Variants in SMCO2 observed in about 807,000 individuals in gnomAD.
The protein encoded by SMCO2 is single-pass membrane protein with coiled-coil domains 2.
Under a neutral mutation model 29.5 loss-of-function variants are expected in SMCO2, and 25 were observed. The observed-to-expected ratio is 0.85, with a 90% CI of 0.62 to 1.18. SMCO2 has a LOEUF of 1.18. Among genes scored for constraint, SMCO2 ranks in the 50% most tolerant of loss-of-function variants. SMCO2 has a pLI of 0.00. For synonymous variants in SMCO2, 117 were observed against 123.3 expected, an observed-to-expected ratio of 0.95 and a Z score of 0.34; for missense variants, 348 against 344.5, an observed-to-expected ratio of 1.01 and a Z score of -0.08.
At chr12:27,442,397 G>C in the SMCO2 span, among the ~76,000 whole-genome samples, 1 of 152,070 alleles carries the variant, frequency 6.6e-6, no homozygotes, top group South Asian at 2.1e-4. Flanking sequence ...GAAATACAAA[G>C]AATCATTAGA....
chr12:27,472,726 C>T (rs1949551393), intron 2 of SMCO2, 50 bp from the exon 3 acceptor site: 1 of 1,425,582 alleles, frequency 7.0e-7, no homozygotes, highest in Non-Finnish European at 9.6e-7. Context: ...GGCCCAAGCT[C>T]TGGCCCAAAG....
the SMCO2 span, among the ~76,000 whole-genome samples, chr12:27,459,015 G>A: frequency 2.6e-5 from 4 of 151,130 alleles, no homozygotes; most frequent in South Asian, 6.3e-4. Flanking sequence ...GTGAAACCCC[G>A]TCTCTACTAA....
chr12:27,482,020 T>A (rs537817564), intron 4 of SMCO2, among the ~76,000 whole-genome samples: 39 of 152,038 alleles, frequency 2.6e-4, no homozygotes, highest in South Asian at 2.1e-3. Context: ...TTTTTTTTTT[T>A]AATTATGTCC....
the SMCO2 span, among the ~76,000 whole-genome samples, chr12:27,450,158 G>A: frequency 6.6e-6 from 1 of 152,214 alleles, no homozygotes; most frequent in Non-Finnish European, 1.5e-5. Context: ...GCCTCTGGCT[G>A]CCTGTCCTGT....
At chr12:27,439,277 TC>T in the SMCO2 span, among the ~76,000 whole-genome samples, 1 of 152,170 alleles carries the variant, frequency 6.6e-6, no homozygotes, top group African/African-American at 2.4e-5. Context: ...TAGCCAGCAT[TC>T]CCACACTGCT....
the SMCO2 span, among the ~76,000 whole-genome samples, chr12:27,443,974 C>A: frequency 6.6e-6 from 1 of 152,084 alleles, no homozygotes; most frequent in South Asian, 2.1e-4. Context: ...GAAAACAATC[C>A]TAAAATTTAT....
the SMCO2 span, among the ~76,000 whole-genome samples, chr12:27,430,594 A>G: frequency 1.3e-5 from 2 of 152,324 alleles, no homozygotes; most frequent in Admixed American, 6.5e-5. Context: ...TAATTCCAAC[A>G]TGTTTATTCT....
intron 4 of SMCO2, among the ~76,000 whole-genome samples, chr12:27,483,857 A>T (rs2135560916): frequency 6.6e-6 from 1 of 152,264 alleles, no homozygotes; most frequent in East Asian, 1.9e-4. Flanking sequence ...CGGCCTTTGC[A>T]CTACTGTTGG....
At chr12:27,443,709 A>G in the SMCO2 span, among the ~76,000 whole-genome samples, 1 of 152,200 alleles carries the variant, frequency 6.6e-6, no homozygotes, top group Non-Finnish European at 1.5e-5. Flanking sequence ...GTATTTATAT[A>G]TGCCACCAGT....
At chr12:27,474,405 A>C (rs1006719208) in intron 3 of SMCO2, among the ~76,000 whole-genome samples, 3 of 152,108 alleles carry the variant, frequency 2.0e-5, no homozygotes, top group Non-Finnish European at 4.4e-5. Flanking sequence ...TGGTTTTCAT[A>C]TCTCTTTAGA....
intron 3 of SMCO2, among the ~76,000 whole-genome samples, chr12:27,474,073 A>G (rs1315018009): frequency 6.6e-6 from 1 of 152,222 alleles, no homozygotes; most frequent in Non-Finnish European, 1.5e-5. Context: ...TGCAATGATT[A>G]ACCATATTCC....
the SMCO2 span, among the ~76,000 whole-genome samples, chr12:27,430,773 G>C: frequency 1.3e-5 from 2 of 152,026 alleles, no homozygotes; most frequent in Admixed American, 1.3e-4. Context: ...GATAAATGCT[G>C]GTATTATCCC....
At chr12:27,501,456 CA>C (rs935784946) in intron 7 of SMCO2, among the ~76,000 whole-genome samples, 5 of 129,698 alleles carry the variant, frequency 3.9e-5, no homozygotes, top group Admixed American at 2.3e-4. Context: ...CAAAACAAAA[CA>C]AAAAAAGCTT....
chr12:27,436,606 G>A, the SMCO2 span, among the ~76,000 whole-genome samples: 12 of 152,232 alleles, frequency 7.9e-5, no homozygotes, highest in East Asian at 5.8e-4. Context: ...ATGAGCTTCC[G>A]GGTGCCTAGC....
At chr12:27,500,126 A>C (rs693241) in intron 7 of SMCO2, among the ~76,000 whole-genome samples, 31,076 of 150,176 alleles carry the variant, frequency 0.21, 5,896 homozygotes, top group African/African-American at 0.42. Context: ...ATATGAGAAA[A>C]CTTATTTCAA....
upstream of SMCO2, among the ~76,000 whole-genome samples, chr12:27,463,959 A>C (rs763424317): frequency 1.3e-5 from 2 of 152,236 alleles, no homozygotes; most frequent in Non-Finnish European, 2.9e-5. Flanking sequence ...GTGCGGAGGC[A>C]GAGCCTGAGG....
chr12:27,432,241 G>C, the SMCO2 span, among the ~76,000 whole-genome samples: 797 of 152,084 alleles, frequency 5.2e-3, 6 homozygotes, highest in Middle Eastern at 0.027. Flanking sequence ...TGTTTCCTTT[G>C]ATGTGCAGAA....
intron 1 of SMCO2, among the ~76,000 whole-genome samples, chr12:27,469,090 A>G (rs752740777): frequency 1.3e-5 from 2 of 152,184 alleles, no homozygotes; most frequent in African/African-American, 2.4e-5. Context: ...TATTATTTTT[A>G]TGGTATTCTA....
At chr12:27,458,634 C>T in the SMCO2 span, among the ~76,000 whole-genome samples, 1 of 152,154 alleles carries the variant, frequency 6.6e-6, no homozygotes, top group Admixed American at 6.5e-5. Flanking sequence ...GCCTCTAATC[C>T]CAGCACTTTG....
Sources: allele counts gnomAD v4.1 joint callset (sites outside exome capture counted in the v4.1 genomes callset), GRCh38; gene constraint gnomAD v4.1.1; transcripts MANE v1.5; gene names NCBI Gene and HGNC (gene_info 2026-07-23, HGNC 2026-07-21).